MTCL1: variants seen among roughly 807,000 people sequenced by gnomAD.
MTCL1 encodes the protein microtubule crosslinking factor 1.
In MTCL1, 79 loss-of-function variants were observed where a neutral mutation model predicts 141.4. The observed-to-expected ratio is 0.56, with a 90% CI of 0.47 to 0.67. The LOEUF is 0.67. Ranked by LOEUF, MTCL1 falls within the 30% of genes least tolerant of loss-of-function variation. The pLI, the probability that MTCL1 is intolerant of heterozygous loss-of-function variation, is 0.00. For missense variants in MTCL1, 2,177 were observed against 2,113.9 expected, an observed-to-expected ratio of 1.03 and a Z score of -0.59; for synonymous variants, 914 against 875.8, an observed-to-expected ratio of 1.04 and a Z score of -0.77.
At chr18:8,799,742 G>A (rs1261712646) in intron 10 of MTCL1, among the ~76,000 whole-genome samples, 3 of 152,194 alleles carry the variant, frequency 2.0e-5, no homozygotes, top group African/African-American at 7.2e-5. Context: ...ACGCATTCAC[G>A]CAGATGCTCT....
chr18:8,786,060 G>A lies in MTCL1; in HGVS notation c.1856G>A (p.Gly619Glu), dbSNP rs368739590. ...GCAGACGGGGACACCGGGAGCCACG[G>A]GCTGGGAGGCCAGACCTGCTTCAGC... The change falls in exon 7 of 17, where the codon GGG becomes GAG. Residue 619 changes from glycine (G) to glutamate (E), a missense_variant. Coordinates refer to ENST00000359865, the Ensembl canonical transcript of MTCL1. 5.8e-5 allele frequency: 92 copies of A among 1,592,054 alleles called. No individual in the cohort carries two copies. In the African/African-American group the frequency reaches 6.4e-4, roughly 11 times the overall value.
exon 6 of MTCL1, chr18:8,784,550 C>T: frequency 1.2e-6 from 2 of 1,607,262 alleles, no homozygotes; most frequent in Non-Finnish European, 1.7e-6. Flanking sequence ...CAGCTTCCTC[C>T]ATGATGCGGG....
At chr18:8,751,006 T>C (rs1042367205) in intron 4 of MTCL1, among the ~76,000 whole-genome samples, 2 of 151,970 alleles carry the variant, frequency 1.3e-5, no homozygotes, top group African/African-American at 4.8e-5. Context: ...CCTCTCGTGC[T>C]CCAAGGAGGA....
intron 4 of MTCL1, among the ~76,000 whole-genome samples, chr18:8,744,341 C>T (rs2096323234): frequency 6.6e-6 from 1 of 152,258 alleles, no homozygotes; most frequent in African/African-American, 2.4e-5. Flanking sequence ...CCAGAACTTC[C>T]TCTTTGAAAG....
intron 7 of MTCL1, among the ~76,000 whole-genome samples, 160 bp from the exon 7 acceptor site, chr18:8,792,838 G>A (rs2075781145): frequency 1.3e-5 from 2 of 152,328 alleles, no homozygotes; most frequent in Admixed American, 1.3e-4. Flanking sequence ...TCTAGAGGGA[G>A]GCCCCAGCGG....
chr18:8,737,686 AG>A (rs1426499169), intron 4 of MTCL1, among the ~76,000 whole-genome samples: 3 of 152,374 alleles, frequency 2.0e-5, no homozygotes, highest in African/African-American at 7.2e-5. Context: ...GGCTAAGGAT[AG>A]AGCACTGGGT....
chr18:8,761,881 A>G (rs554313345), intron 4 of MTCL1, among the ~76,000 whole-genome samples: 5 of 152,300 alleles, frequency 3.3e-5, no homozygotes, highest in African/African-American at 9.6e-5. Flanking sequence ...GGAATTTAAG[A>G]TGAGATTTGG....
intron 10 of MTCL1, among the ~76,000 whole-genome samples, chr18:8,798,892 A>G (rs1568060741): frequency 6.6e-6 from 1 of 152,242 alleles, no homozygotes; most frequent in Non-Finnish European, 1.5e-5. Flanking sequence ...TTTTTATACC[A>G]AAATGGCAGT....
exon 15 of MTCL1, chr18:8,825,057 G>T: frequency 6.2e-7 from 1 of 1,612,920 alleles, no homozygotes; most frequent in Non-Finnish European, 8.5e-7. Flanking sequence ...GCGGAGCCAC[G>T]TCCTCACCGA....
intron 11 of MTCL1, chr18:8,809,395 T>G: frequency 6.6e-7 from 1 of 1,522,504 alleles, no homozygotes; most frequent in South Asian, 1.2e-5. Context: ...TGAAAGGAAG[T>G]ATGGAATGAA....
At position 8,750,907 on chromosome 18, in the gene MTCL1, G is replaced by T. The variant is rs116925125; in HGVS notation, c.358-26926G>T. On this transcript the variant is annotated intron_variant, in intron 4 of 16. Transcript: ENST00000359865. The stretch of plus-strand genomic sequence containing the variant: ...ATAGCTGGGAGTGAGGCCTGCAGTT[G>T]CCTTCTCTGGATGCGTTGATAAAGT... Among the ~76,000 whole-genome samples the T allele has an allele frequency of 1.9e-3, 290 of 152,302 alleles. 1 individual carries two copies. The highest frequency in any genetic ancestry group is 2.5e-3 in the Non-Finnish European group (169 of 68,036).
At chr18:8,797,927 G>T (rs1259923558) in intron 9 of MTCL1, among the ~76,000 whole-genome samples, 170 bp from the exon 9 acceptor site, 2 of 152,222 alleles carry the variant, frequency 1.3e-5, no homozygotes, top group Non-Finnish European at 1.5e-5. Flanking sequence ...TTTAAATGCA[G>T]CAAGTGCCAA....
chr18:8,815,538 C>T (rs1180881445), intron 12 of MTCL1, among the ~76,000 whole-genome samples: 2 of 151,114 alleles, frequency 1.3e-5, no homozygotes, highest in South Asian at 2.1e-4. Context: ...TTAATGGGTG[C>T]AGCACACCAG....
chr18:8,758,600 TG>T (rs1182645255), intron 4 of MTCL1, among the ~76,000 whole-genome samples: 2 of 152,332 alleles, frequency 1.3e-5, no homozygotes, highest in East Asian at 3.9e-4. Flanking sequence ...CTCCAGAACT[TG>T]ATAAATCTAA....
rs2143591935 is a variant in MTCL1, at chr18:8,785,581, T to C, written c.1732-355T>C. The C allele has an allele frequency of 1.2e-5, 3 of 250,000 alleles. No homozygotes were observed. In the South Asian group the frequency reaches 1.7e-4, roughly 14 times the overall value. 15.5% of individuals were successfully genotyped at this position (250,000 alleles called of 1,614,324 possible). Reference sequence around the variant, plus strand: ...AGGAAGGAAGAGCCTCGTTTTCCGTTTCCTTCACGGGTAGCGTGCTTGCGG... The same window carrying C: ...AGGAAGGAAGAGCCTCGTTTTCCGTCTCCTTCACGGGTAGCGTGCTTGCGG... On this transcript the variant is annotated intron_variant, in intron 6 of 16. Coordinates refer to ENST00000359865, the Ensembl canonical transcript of MTCL1.
At chr18:8,809,696 C>T (rs1244888958) in intron 11 of MTCL1, 3 of 1,348,420 alleles carry the variant, frequency 2.2e-6, no homozygotes, top group Non-Finnish European at 3.0e-6. Flanking sequence ...GCAACAGGCA[C>T]CTCGCACGGC....
rs1346640192 is a variant in MTCL1 at position 8,777,756 on chromosome 18, C to T, written c.358-77C>T. 6.3e-6 allele frequency: 8 copies of T among 1,266,886 alleles called. No individual in the cohort carries two copies. The East Asian group carries it at 7.0e-5, about 11-fold the overall frequency. The allele number at this position is 1,266,886 out of a possible 1,614,324, so 78.5% of individuals were successfully genotyped here. On this transcript the variant is annotated intron_variant, in intron 4 of 16. Coordinates refer to ENST00000359865, the Ensembl canonical transcript of MTCL1. ...TCCGTTCAGTGTGTGTGTCCCCACC[C>T]ATGGGGACGATGTTTGCTAATGCTG...
intron 4 of MTCL1, among the ~76,000 whole-genome samples, chr18:8,744,476 A>G (rs2096324212): frequency 6.6e-6 from 1 of 152,178 alleles, no homozygotes; most frequent in African/African-American, 2.4e-5. Flanking sequence ...CTCAGTTCAA[A>G]CACATCAGAT....
intron 4 of MTCL1, among the ~76,000 whole-genome samples, chr18:8,763,982 G>A (rs1176875648): frequency 6.6e-6 from 1 of 152,026 alleles, no homozygotes; most frequent in East Asian, 1.9e-4. Context: ...ACTTGGTGAA[G>A]TTAGGGTTCT....
Sources: allele counts gnomAD v4.1 joint callset (sites outside exome capture counted in the v4.1 genomes callset), GRCh38; gene constraint gnomAD v4.1.1; transcripts MANE v1.5; gene names NCBI Gene and HGNC (gene_info 2026-07-23, HGNC 2026-07-21).